RPAP1: variants seen among roughly 807,000 people sequenced by gnomAD.
RPAP1 encodes the protein RNA polymerase II associated protein 1, also known as RNA polymerase II-associated protein 1.
A neutral mutation model predicts 142.4 loss-of-function variants in RPAP1; 109 were observed. The ratio of observed to expected loss-of-function variants is 0.77; its 90% CI spans 0.66 to 0.90. The LOEUF (loss-of-function observed/expected upper bound fraction) is 0.90, where lower values mean the gene tolerates loss of function less well. Among genes scored for constraint, RPAP1 ranks in the 40% least tolerant of loss-of-function variants. RPAP1 has a pLI of 0.00. For synonymous variants in RPAP1, 704 were observed against 738.9 expected, an observed-to-expected ratio of 0.95 and a Z score of 0.77; for missense variants, 1,546 against 1,751.7, an observed-to-expected ratio of 0.88 and a Z score of 2.10.
At chr15:41,539,202 G>C (rs1232327064) in intron 1 of RPAP1, among the ~76,000 whole-genome samples, 2 of 151,878 alleles carry the variant, frequency 1.3e-5, no homozygotes, top group Non-Finnish European at 2.9e-5. Flanking sequence ...TCTACCTCCT[G>C]GGCTTAAGCC....
At chr15:41,536,380 C>G (rs1021880969) in intron 3 of RPAP1, 121 bp downstream of exon 3, 1 of 1,415,972 alleles carries the variant, frequency 7.1e-7, no homozygotes, top group Non-Finnish European at 9.8e-7. Context: ...CCAACCTGAC[C>G]TCAGGGGTAA....
In RPAP1 at chr15:41,523,807, C is replaced by G; in HGVS notation, c.2400G>C (p.Leu800Phe). ...AVGPVPVACL[L>F]FLGAYYQAWS... ...AGGCCTGGTAGTAGGCTCCCAGGAACAACAGGCAGGCAACGGGCACTGGGC... is the reference window on the plus strand; with the variant it reads ...AGGCCTGGTAGTAGGCTCCCAGGAAGAACAGGCAGGCAACGGGCACTGGGC... Residue 800 changes from leucine to phenylalanine, a missense_variant, in exon 17 of 25, where the codon TTG becomes TTC. By Grantham distance (22) the Leu-to-Phe change is conservative. This residue lies in a region of RPAP1 where 1,333 missense variants were observed against 1,486.6 expected (regional missense o/e 0.90). Transcript: ENST00000304330. The G allele has an allele frequency of 6.2e-7, 1 of 1,608,414 alleles. No homozygotes were observed. The highest frequency in any genetic ancestry group is 8.5e-7 in the Non-Finnish European group (1 of 1,177,622).
At chr15:41,521,918 G>A (rs1225235296) in intron 20 of RPAP1, 38 bp from the exon 21 acceptor site, 3 of 1,605,280 alleles carry the variant, frequency 1.9e-6, no homozygotes, top group Non-Finnish European at 2.6e-6. Context: ...TAGTACAGGA[G>A]AAGGGGACGT....
intron 1 of RPAP1, among the ~76,000 whole-genome samples, chr15:41,542,770 A>G (rs941826318): frequency 6.6e-6 from 1 of 152,308 alleles, no homozygotes; most frequent in East Asian, 1.9e-4. Context: ...GAAGATTAGA[A>G]CAGAGTCTCA....
At chr15:41,537,647 C>T (rs1292936134) in intron 1 of RPAP1, among the ~76,000 whole-genome samples, 5 of 152,040 alleles carry the variant, frequency 3.3e-5, no homozygotes, top group African/African-American at 4.8e-5. Flanking sequence ...TTTGTAAGGC[C>T]GAGGAGGGTG....
In RPAP1 at chr15:41,523,558, G is replaced by T. The variant is rs563277218; in HGVS notation, c.2437-204C>A. Among the ~76,000 whole-genome samples, 4 of 152,338 alleles carry T rather than the reference G, an allele frequency of 2.6e-5. No individual in the cohort carries two copies. In the East Asian group the frequency reaches 7.7e-4, roughly 29 times the overall value. On this transcript the variant is annotated intron_variant, in intron 17 of 24. Transcript: ENST00000304330. ...ACACAGGCTACAGGAAGGCTGAGCT[G>T]CTGCGTGGGCTCTCTGGTCCCCACC...
At position 41,521,819 on chromosome 15, in the gene RPAP1, A is replaced by G; in HGVS notation, c.2957T>C (p.Leu986Pro). ...AALYHGMALA[L>P]LSRLLPGSEY... ...ACTTCCGGGCAGCAGCCGGCTCAGC[A>G]GGGCCAAGGCCATACCATGATAGAG... is the stretch of plus-strand genomic sequence containing the variant. Residue 986 changes from leucine (L) to proline (P), a missense_variant, in exon 21 of 25, where the codon CTG becomes CCG. Leu to Pro is a moderately conservative substitution (Grantham distance 98, BLOSUM62 -3). This residue lies in a region of RPAP1 where 1,333 missense variants were observed against 1,486.6 expected (regional missense o/e 0.90). Coordinates refer to ENST00000304330, the MANE Select transcript of RPAP1 (RefSeq NM_015540.4). 6.2e-7 allele frequency: 1 copy of G among 1,614,204 alleles called. No individual in the cohort carries two copies. The highest frequency in any genetic ancestry group is 8.5e-7 in the Non-Finnish European group (1 of 1,180,032).
At chr15:41,532,934 G>A (rs887377879) in intron 6 of RPAP1, among the ~76,000 whole-genome samples, 10 of 137,526 alleles carry the variant, frequency 7.3e-5, no homozygotes, top group Non-Finnish European at 1.2e-4. Flanking sequence ...AGCTGAGATC[G>A]TGTCACTGTA....
intron 6 of RPAP1, among the ~76,000 whole-genome samples, chr15:41,531,995 AC>A (rs1262363366): frequency 6.7e-6 from 1 of 150,256 alleles, no homozygotes; most frequent in East Asian, 2.0e-4. Context: ...AACTGGGACT[AC>A]CGGCATGCAC....
chr15:41,520,958 C>A lies in RPAP1; in HGVS notation c.3228G>T (p.Leu1076=), dbSNP rs1317097498. 1 of 1,610,444 alleles carries A rather than the reference C, an allele frequency of 6.2e-7. No individual in the cohort carries two copies. Among genetic ancestry groups the A allele is most frequent in the African/African-American group, 1.3e-5 (1 of 74,902 alleles). ...ARASLLASQA[L]HRGELQRVPT... ...GGACTCGCTGTAGCTCCCCTCGGTGCAGAGCCTGGGAGGCCAGCAGACTGG... is the reference window on the plus strand; with the variant it reads ...GGACTCGCTGTAGCTCCCCTCGGTGAAGAGCCTGGGAGGCCAGCAGACTGG... Residue 1076 remains leucine (L), a synonymous_variant, in exon 22 of 25, where the codon CTG becomes CTT. Coordinates refer to ENST00000304330, the MANE Select transcript of RPAP1 (RefSeq NM_015540.4).
chr15:41,542,069 A>AG (rs2051977254), intron 1 of RPAP1, among the ~76,000 whole-genome samples: 1 of 152,124 alleles, frequency 6.6e-6, no homozygotes, highest in Non-Finnish European at 1.5e-5. Flanking sequence ...GCGGTGTACA[A>AG]GGGGCTGTAA....
intron 19 of RPAP1, chr15:41,522,482 C>T: frequency 1.7e-6 from 1 of 572,784 alleles, no homozygotes; most frequent in Non-Finnish European, 3.1e-6. Context: ...CCTCCGCCTC[C>T]CGGGTTCAAG....
chr15:41,538,837 T>TGA (rs1324449695), intron 1 of RPAP1, among the ~76,000 whole-genome samples: 1 of 152,180 alleles, frequency 6.6e-6, no homozygotes, highest in Admixed American at 6.5e-5. Context: ...TTGAAAACAT[T>TGA]ATACTAAGTG....
rs773746656 is a variant in RPAP1, at chr15:41,527,897, C to T, written c.1391G>A (p.Arg464His). The T allele has an allele frequency of 9.3e-6, 15 of 1,613,926 alleles. No homozygotes were observed. Among genetic ancestry groups the T allele is most frequent in the South Asian group, 3.3e-5 (3 of 91,084 alleles). ...AGCCACCAGCAGAGCCCGAAGAGCA[C>T]GGATGGCGGTTGCAATGACCCCATC... ...RVDGVIATAI[R>H]ALRALLVAPG... is the part of the protein sequence containing the mutation. Residue 464 changes from arginine (R) to histidine (H), a missense_variant, in exon 11 of 25, where the codon CGT (arginine) becomes CAT (histidine). By Grantham distance (29) the Arg-to-His change is conservative (BLOSUM62 0). Coordinates refer to ENST00000304330, the MANE Select transcript of RPAP1 (RefSeq NM_015540.4).
At position 41,528,042 on chromosome 15, in the gene RPAP1, G is replaced by A. The variant is rs1256268345; in HGVS notation, c.1261-15C>T. 1.2e-6 allele frequency: 2 copies of A among 1,612,588 alleles called. No homozygotes were observed. Among genetic ancestry groups the A allele is most frequent in the Non-Finnish European group, 1.7e-6 (2 of 1,179,400 alleles). ...CCAGCCTGGGCCTGAGGGCAGGAGGGTAAAACCTTGCTGAAGATGCTGAAG... is the reference window on the plus strand; with the variant it reads ...CCAGCCTGGGCCTGAGGGCAGGAGGATAAAACCTTGCTGAAGATGCTGAAG... On this transcript the variant is annotated splice_polypyrimidine_tract_variant and intron_variant, in intron 10 of 24. Transcript: ENST00000304330.
At chr15:41,530,873 A>G (rs879919865) in intron 7 of RPAP1, 150 bp downstream of exon 7, 8 of 729,672 alleles carry the variant, frequency 1.1e-5, no homozygotes, top group Admixed American at 7.4e-5. Context: ...TGCATCAGCA[A>G]TGAAGACTGA....
chr15:41,524,036 G>A, intron 16 of RPAP1, 60 bp downstream of exon 16: 2 of 1,605,928 alleles, frequency 1.2e-6, no homozygotes, highest in Non-Finnish European at 1.7e-6. Flanking sequence ...TTACACTCCA[G>A]CCACCCCAGC....
chr15:41,531,615 ATATATATATATAT>A (rs1326197965), intron 6 of RPAP1, among the ~76,000 whole-genome samples: 84 of 24,922 alleles, frequency 3.4e-3, no homozygotes, highest in African/African-American at 0.015. Flanking sequence ...ATATATATAT[ATATATATATATAT>A]TTTTTTTTTT....
chr15:41,533,557 G>A (rs1315356348), intron 6 of RPAP1, among the ~76,000 whole-genome samples: 1 of 152,040 alleles, frequency 6.6e-6, no homozygotes, highest in Non-Finnish European at 1.5e-5. Flanking sequence ...CTGGGGGCCA[G>A]GCACGGTGGC....
Sources: gnomAD v4.1 joint callset for allele counts (sites outside exome capture counted in the v4.1 genomes callset) on GRCh38, gnomAD v4.1.1 for gene constraint, gnomAD v4.1.1 regional missense constraint, MANE v1.5 for transcripts, NCBI Gene and HGNC (gene_info 2026-07-23, HGNC 2026-07-21) for gene names.